The following PPM1L variants were observed in gnomAD, a reference collection of about 807,000 sequenced individuals.
The protein encoded by PPM1L is protein phosphatase, Mg2+/Mn2+ dependent 1L.
A neutral mutation model predicts 31.4 loss-of-function variants in PPM1L; 13 were observed. The ratio of observed to expected loss-of-function variants is 0.41; its 90% CI spans 0.27 to 0.66. The LOEUF (loss-of-function observed/expected upper bound fraction) is 0.66, where lower values mean the gene tolerates loss of function less well. Among genes scored for constraint, PPM1L ranks in the 30% least tolerant of loss-of-function variants. The pLI is 0.29. For missense variants in PPM1L, 326 were observed against 453.7 expected, an observed-to-expected ratio of 0.72 and a Z score of 2.56; for synonymous variants, 184 against 175.4, an observed-to-expected ratio of 1.05 and a Z score of -0.39.
At chr3:160,812,168 G>A (rs1345670355) in intron 1 of PPM1L, among the ~76,000 whole-genome samples, 9 of 152,170 alleles carry the variant, frequency 5.9e-5, no homozygotes. Context: ...TTATCCAAGT[G>A]TATGTGAGGC....
chr3:160,903,208 T>TTGTGCG lies in PPM1L; in HGVS notation c.400-58524_400-58523insCGTGTG, dbSNP rs1553819695. On this transcript the variant is annotated intron_variant, in intron 1 of 3. Coordinates refer to ENST00000498165, the MANE Select transcript of PPM1L (RefSeq NM_139245.4). ...GTGTGTGTGTGGTATGTGTGTATGT[T>TTGTGCG]TGTGTGTGTGTGTGTGTGTGTGTGT... Among the ~76,000 whole-genome samples, 7 of 120,038 alleles carry TTGTGCG rather than the reference T, an allele frequency of 5.8e-5. 1 individual carries two copies. The highest frequency in any genetic ancestry group is 2.2e-4 in the African/African-American group (7 of 32,032). 78.7% of individuals were successfully genotyped at this position (120,038 alleles called of 152,430 possible).
chr3:160,987,210 GT>G (rs1186961069), intron 2 of PPM1L, among the ~76,000 whole-genome samples: 1 of 152,134 alleles, frequency 6.6e-6, no homozygotes, highest in Non-Finnish European at 1.5e-5. Context: ...AGTGGGAAGG[GT>G]TGTCAATACT....
At chr3:160,890,688 G>T (rs1301210980) in intron 1 of PPM1L, among the ~76,000 whole-genome samples, 1 of 152,144 alleles carries the variant, frequency 6.6e-6, no homozygotes, top group Non-Finnish European at 1.5e-5. Context: ...TAAGCAAAAA[G>T]AACAACCTGG....
At chr3:160,785,310 T>C (rs1054097621) in intron 1 of PPM1L, among the ~76,000 whole-genome samples, 1 of 152,266 alleles carries the variant, frequency 6.6e-6, no homozygotes, top group Non-Finnish European at 1.5e-5. Context: ...AATTATTTTA[T>C]TTAGTTAAAA....
chr3:161,031,260 A>T (rs996319248), intron 2 of PPM1L, among the ~76,000 whole-genome samples: 1 of 152,242 alleles, frequency 6.6e-6, no homozygotes, highest in Non-Finnish European at 1.5e-5. Context: ...AGTAGTGGTT[A>T]TGGTGGCTTT....
intron 2 of PPM1L, among the ~76,000 whole-genome samples, chr3:161,027,282 A>C (rs1004774024): frequency 4.6e-5 from 7 of 152,204 alleles, no homozygotes; most frequent in African/African-American, 1.7e-4. Context: ...CCTTTAGACG[A>C]TTGGTGCAAT....
Position 161,014,528 on chromosome 3 carries a change from G to A in PPM1L, c.575-50875G>A, listed in dbSNP as rs191574612. On this transcript the variant is annotated intron_variant, in intron 2 of 3. Coordinates refer to ENST00000498165, the MANE Select transcript of PPM1L (RefSeq NM_139245.4). ...CTTGCTCTGTCACCAAGGCTGGAGT[G>A]CAGTGGCACGATCTCAGCTCACTGC... 1.1e-3 allele frequency among the ~76,000 whole-genome samples: 160 copies of A among 146,818 alleles called. 1 individual carries two copies. Among genetic ancestry groups the A allele is most frequent in the African/African-American group, 3.8e-3 (150 of 39,354 alleles).
intron 1 of PPM1L, 66 bp from the exon 2 acceptor site, chr3:160,961,670 G>T: frequency 7.1e-7 from 1 of 1,405,252 alleles, no homozygotes; most frequent in Admixed American, 2.6e-5. Flanking sequence ...GCACCTGAGG[G>T]TAAGTAAAAA....
intron 1 of PPM1L, among the ~76,000 whole-genome samples, chr3:160,868,747 G>C (rs186977336): frequency 1.3e-5 from 2 of 151,138 alleles, no homozygotes; most frequent in Non-Finnish European, 2.9e-5. Flanking sequence ...TGTAGAAAGC[G>C]ATCTGTATTT....
At chr3:161,014,422 G>A (rs937282180) in intron 2 of PPM1L, among the ~76,000 whole-genome samples, 1 of 149,834 alleles carries the variant, frequency 6.7e-6, no homozygotes, top group Admixed American at 6.6e-5. Flanking sequence ...TTAGGGAATA[G>A]ACTGACACTG....
intron 1 of PPM1L, among the ~76,000 whole-genome samples, chr3:160,914,680 A>G (rs1037279422): frequency 6.6e-6 from 1 of 152,076 alleles, no homozygotes; most frequent in African/African-American, 2.4e-5. Flanking sequence ...TTCTTGATCC[A>G]GTCTATCATT....
intron 2 of PPM1L, among the ~76,000 whole-genome samples, chr3:160,968,935 C>T (rs578255931): frequency 3.3e-5 from 5 of 152,306 alleles, no homozygotes; most frequent in African/African-American, 1.2e-4. Flanking sequence ...TGGCTAGAAA[C>T]CTATACAGCC....
intron 1 of PPM1L, among the ~76,000 whole-genome samples, chr3:160,822,298 T>G (rs1713223433): frequency 6.6e-6 from 1 of 152,020 alleles, no homozygotes; most frequent in African/African-American, 2.4e-5. Context: ...GATCATCCCA[T>G]GATCCAGAAC....
At chr3:160,910,563 G>A (rs185423262) in intron 1 of PPM1L, among the ~76,000 whole-genome samples, 145 of 152,142 alleles carry the variant, frequency 9.5e-4, no homozygotes, top group African/African-American at 3.4e-3. Context: ...AGCCCACCTC[G>A]GCCTCCCAAA....
chr3:160,930,883 C>A (rs778087640), intron 1 of PPM1L, among the ~76,000 whole-genome samples: 1 of 152,070 alleles, frequency 6.6e-6, no homozygotes, highest in Non-Finnish European at 1.5e-5. Context: ...GTCTTCATGC[C>A]TGGTTCATTT....
intron 1 of PPM1L, among the ~76,000 whole-genome samples, chr3:160,935,401 A>T (rs1323539828): frequency 6.6e-6 from 1 of 152,188 alleles, no homozygotes; most frequent in African/African-American, 2.4e-5. Flanking sequence ...TAGGAGAGTG[A>T]CTGGGTGCGT....
intron 1 of PPM1L, among the ~76,000 whole-genome samples, chr3:160,903,292 A>T (rs1377043070): frequency 6.6e-6 from 1 of 151,370 alleles, no homozygotes; most frequent in Non-Finnish European, 1.5e-5. Flanking sequence ...AGGAGCTGGC[A>T]GATCAAATTC....
chr3:160,894,732 G>T (rs897074365), intron 1 of PPM1L, among the ~76,000 whole-genome samples: 3 of 152,068 alleles, frequency 2.0e-5, no homozygotes, highest in African/African-American at 7.2e-5. Flanking sequence ...CACAAAACAT[G>T]CTTGTTTTGC....
intron 1 of PPM1L, among the ~76,000 whole-genome samples, chr3:160,759,285 C>T (rs1378782658): frequency 6.6e-6 from 1 of 152,186 alleles, no homozygotes; most frequent in Non-Finnish European, 1.5e-5. Flanking sequence ...TTTCTAATAA[C>T]TCACACTAGT....
Sources: allele counts gnomAD v4.1 joint callset (sites outside exome capture counted in the v4.1 genomes callset), GRCh38; gene constraint gnomAD v4.1.1; transcripts MANE v1.5; gene names NCBI Gene and HGNC (gene_info 2026-07-23, HGNC 2026-07-21).